SYNM: variants seen among roughly 807,000 people sequenced by gnomAD.
The protein encoded by SYNM is desmuslin.
Under a neutral mutation model 104.0 loss-of-function variants are expected in SYNM, and 95 were observed. That is an observed-to-expected ratio of 0.91 (90% CI 0.77 to 1.08). SYNM has a LOEUF of 1.08. Among genes scored for constraint, SYNM ranks in the 50% least tolerant of loss-of-function variants. SYNM has a pLI of 0.00. For synonymous variants in SYNM, 918 were observed against 869.0 expected, an observed-to-expected ratio of 1.06 and a Z score of -0.99; for missense variants, 2,150 against 2,052.2, an observed-to-expected ratio of 1.05 and a Z score of -0.92.
At chr15:99,116,350 A>C (rs905788952) in intron 2 of SYNM, among the ~76,000 whole-genome samples, 15 of 152,380 alleles carry the variant, frequency 9.8e-5, no homozygotes, top group Non-Finnish European at 1.9e-4. Context: ...GGAAGAAAGC[A>C]TTAATCAGGA....
At chr15:99,115,396 T>A (rs961244154) in intron 2 of SYNM, among the ~76,000 whole-genome samples, 1 of 150,188 alleles carries the variant, frequency 6.7e-6, no homozygotes, top group Admixed American at 6.6e-5. Flanking sequence ...CTGTGTAATC[T>A]TCTGATCATG....
At chr15:99,125,655 G>A (rs1251897063) in intron 2 of SYNM, among the ~76,000 whole-genome samples, 2 of 152,240 alleles carry the variant, frequency 1.3e-5, no homozygotes, top group African/African-American at 2.4e-5. Context: ...CCCTGCTCGG[G>A]TGTGGGCACC....
At chr15:99,110,317 G>A (rs1443023977) in intron 1 of SYNM, among the ~76,000 whole-genome samples, 1 of 152,192 alleles carries the variant, frequency 6.6e-6, no homozygotes, top group Non-Finnish European at 1.5e-5. Context: ...TACACCCTGG[G>A]AGCTACTTCC....
Position 99,132,904 on chromosome 15 carries a change from C to G in SYNM, c.4544C>G (p.Ala1515Gly), listed in dbSNP as rs1302496849. ...GCCTCTGCTGGGGAAGGAGACCAGG[C>G]CCACAGAGAACAGGGCAAGGAGCAG... Reference protein sequence around the residue: ...FKASAGEGDQAHREQGKEQAM... With the variant: ...FKASAGEGDQGHREQGKEQAM... Residue 1515 changes from alanine to glycine, a missense_variant, in exon 4 of 4, where the codon GCC (alanine) becomes GGC (glycine). By Grantham distance (60) the Ala-to-Gly change is moderately conservative. Transcript: ENST00000336292. The G allele has an allele frequency of 1.7e-5, 28 of 1,613,514 alleles. No homozygotes were observed. Among genetic ancestry groups the G allele is most frequent in the Non-Finnish European group, 2.1e-5 (25 of 1,179,816 alleles).
intron 1 of SYNM, among the ~76,000 whole-genome samples, chr15:99,109,390 T>C (rs185738328): frequency 6.6e-6 from 1 of 152,254 alleles, no homozygotes; most frequent in East Asian, 1.9e-4. Context: ...AGATTTTTGC[T>C]TATGAAAGTG....
Position 99,131,309 on chromosome 15 carries a change from C to T in SYNM, c.2949C>T (p.Ser983=), listed in dbSNP as rs782335127. 5.3e-5 allele frequency: 85 copies of T among 1,612,818 alleles called. No homozygotes were observed. Among genetic ancestry groups the T allele is most frequent in the Admixed American group, 1.8e-4 (11 of 59,838 alleles). The change falls in exon 4 of 4, where the codon TCC becomes TCT. Residue 983 remains serine (S), a synonymous_variant. Transcript: ENST00000336292. This position sits in a 1 kb window ranked among gnomAD's most constrained non-coding sequence, Gnocchi z 4.3. ...GGCAGGGTGGGCCGGGGAGCGTTTC[C>T]GTGGATGTCAAGAAGGTCCAGGGTG... ...REGQGGPGSV[S]VDVKKVQGAG...
rs377338021 is a variant in SYNM, at chr15:99,120,392, G to A, written c.936-6330G>A. On this transcript the variant is annotated intron_variant, in intron 2 of 3. Transcript: ENST00000336292. ...GAAGCTGGAAATGACTTTTTGGAAA[G>A]GGTTTTCCAGGCAGAGGGAATGGCC... Among the ~76,000 whole-genome samples the A allele has an allele frequency of 5.3e-5, 8 of 152,316 alleles. No individual in the cohort carries two copies. In the East Asian group the frequency reaches 1.2e-3, roughly 22 times the overall value.
rs770872839 is a variant in SYNM at position 99,105,310 on chromosome 15, A to G, written c.111A>G (p.Leu37=). Reference sequence around the variant, plus strand: ...TGCGGGAGCTGGAGCGCGAAAACCTACTCCTGGAGGAGGAGCTGCGCGGCC... The same window carrying G: ...TGCGGGAGCTGGAGCGCGAAAACCTGCTCCTGGAGGAGGAGCTGCGCGGCC... ...CRVRELEREN[L]LLEEELRGRR... is the part of the protein sequence containing the mutation. Residue 37 remains leucine (L), a synonymous_variant, in exon 1 of 4, where the codon CTA becomes CTG. Coordinates refer to ENST00000336292, the MANE Select transcript of SYNM (RefSeq NM_145728.3). 1 of 1,545,434 alleles carries G rather than the reference A, an allele frequency of 6.5e-7. No homozygotes were observed. Among genetic ancestry groups the G allele is most frequent in the Admixed American group, 2.0e-5 (1 of 51,078 alleles).
In SYNM at chr15:99,132,526, CA is replaced by C. The variant is rs782353193; in HGVS notation, c.4167del (p.Ala1391GlnfsTer3). 3.1e-6 allele frequency: 5 copies of C among 1,613,922 alleles called. No individual in the cohort carries two copies. The highest frequency in any genetic ancestry group is 3.3e-5 in the Admixed American group (2 of 60,010). On this transcript the variant is annotated frameshift_variant, in exon 4 of 4. Transcript: ENST00000336292. LOFTEE classifies it high-confidence loss of function. ...CAGGAGGATAGTGCAGAGGACACAT[CA>C]GGGGCAGAAATGACATCGGGTGTTA... is the stretch of plus-strand genomic sequence containing the variant. ...SPQEDSAEDT[S>X]GAEMTSGVSR...
chr15:99,128,333 T>C (rs1254834834), intron 3 of SYNM, among the ~76,000 whole-genome samples: 3 of 152,224 alleles, frequency 2.0e-5, no homozygotes, highest in Non-Finnish European at 2.9e-5. Context: ...TCTTCCATGT[T>C]TCTTGTTGAA....
intron 2 of SYNM, among the ~76,000 whole-genome samples, chr15:99,114,117 C>G (rs1021716057): frequency 3.3e-5 from 5 of 152,098 alleles, no homozygotes; most frequent in African/African-American, 1.2e-4. Context: ...GTTTTCACAC[C>G]GCTATAAAGA....
chr15:99,139,723 T>TA (rs1567303406), downstream of SYNM: 1 of 1,351,766 alleles, frequency 7.4e-7, no homozygotes, highest in South Asian at 1.2e-5. Flanking sequence ...TTTCTATTTT[T>TA]AAATGTGGCC....
chr15:99,129,312 G>A, intron 3 of SYNM, 55 bp from the exon 4 acceptor site: 1 of 1,583,802 alleles, frequency 6.3e-7, no homozygotes, highest in Admixed American at 1.7e-5. Context: ...GCTTGTAGAT[G>A]GAAAAGGGTA....
Position 99,131,186 on chromosome 15 carries a change from C to T in SYNM, c.2826C>T (p.Ser942=), listed in dbSNP as rs1382445180. The change falls in exon 4 of 4, where the codon TCC becomes TCT. Residue 942 remains serine (S), a synonymous_variant. Coordinates refer to ENST00000336292, the MANE Select transcript of SYNM (RefSeq NM_145728.3). The surrounding 1 kb of genome is among the most constrained non-coding windows in gnomAD (Gnocchi z 4.3). ...ACACCTCCATGAAGGGCATCTCCTC[C>T]AAGGAGCCCCGGCAGCAGCTGGTGG... ...EFHTSMKGIS[S]KEPRQQLVEV... is the part of the protein sequence containing the mutation. The T allele has an allele frequency of 6.2e-7, 1 of 1,607,524 alleles. No homozygotes were observed. The highest frequency in any genetic ancestry group is 1.3e-5 in the African/African-American group (1 of 74,838).
intron 2 of SYNM, among the ~76,000 whole-genome samples, chr15:99,116,417 AAT>A (rs1555483964): frequency 9.6e-6 from 1 of 104,224 alleles, no homozygotes; most frequent in Non-Finnish European, 2.3e-5. Context: ...TCAGAAAAAG[AAT>A]TTATTACTCA....
intron 2 of SYNM, among the ~76,000 whole-genome samples, chr15:99,125,262 T>C (rs2067436287): frequency 6.6e-6 from 1 of 152,332 alleles, no homozygotes; most frequent in Non-Finnish European, 1.5e-5. Flanking sequence ...GTGCAGAGCC[T>C]TGGGGCCTGG....
chr15:99,120,271 G>A (rs567955155), intron 2 of SYNM, among the ~76,000 whole-genome samples: 3 of 152,342 alleles, frequency 2.0e-5, no homozygotes, highest in East Asian at 1.9e-4. Context: ...GTCCTCAGTG[G>A]TAGGATGATG....
At chr15:99,110,702 G>A (rs560375283) in intron 1 of SYNM, among the ~76,000 whole-genome samples, 2 of 152,330 alleles carry the variant, frequency 1.3e-5, no homozygotes, top group African/African-American at 4.8e-5. Context: ...GATACTGACA[G>A]CAGCATGCCT....
intron 2 of SYNM, among the ~76,000 whole-genome samples, chr15:99,117,825 C>T (rs1367037317): frequency 2.6e-5 from 4 of 151,862 alleles, no homozygotes; most frequent in South Asian, 2.1e-4. Context: ...GCATCGATCG[C>T]GAGCCGTTTC....
Sources: gnomAD v4.1 joint callset for allele counts (sites outside exome capture counted in the v4.1 genomes callset) on GRCh38, gnomAD v4.1.1 for gene constraint, Gnocchi (gnomAD v3.1) non-coding constraint, MANE v1.5 for transcripts, NCBI Gene and HGNC (gene_info 2026-07-23, HGNC 2026-07-21) for gene names.